The following FAM210B variants were observed in gnomAD, a reference collection of about 807,000 sequenced individuals.
FAM210B encodes mitochondrial inner membrane scaffold 2, also known as family with sequence similarity 210 member B.
FAM210B carries 11 observed loss-of-function variants against 14.9 expected under a neutral mutation model. The observed-to-expected ratio is 0.74, with a 90% CI of 0.46 to 1.22. FAM210B has a LOEUF of 1.22. Ranked by LOEUF, FAM210B falls within the 50% of genes most tolerant of loss-of-function variation. The pLI is 0.00. For missense variants in FAM210B, 229 were observed against 250.1 expected (o/e 0.92, Z 0.57); for synonymous variants, 113 against 110.2 (o/e 1.03, Z -0.16).
In FAM210B at chr20:56,363,853, C is replaced by G. The variant is rs768883061; in HGVS notation, c.187-1234C>G. ...TCGCTTTTGCTGCATTAATTTTGTGCGCACCGTCCTTTTTTGATGGCATAT... is the reference window on the plus strand; with the variant it reads ...TCGCTTTTGCTGCATTAATTTTGTGGGCACCGTCCTTTTTTGATGGCATAT... On this transcript the variant is annotated intron_variant, in intron 1 of 2. Transcript: ENST00000371384. The surrounding 1 kb of genome is among the most constrained non-coding windows in gnomAD (Gnocchi z 4.1). 2.0e-5 allele frequency among the ~76,000 whole-genome samples: 3 copies of G among 152,144 alleles called. No homozygotes were observed. Among genetic ancestry groups the G allele is most frequent in the African/African-American group, 7.2e-5 (3 of 41,410 alleles).
chr20:56,360,242 C>A (rs1195413656), intron 1 of FAM210B: 1 of 470,484 alleles, frequency 2.1e-6, no homozygotes, highest in Admixed American at 2.3e-5. Flanking sequence ...CTGCACACAC[C>A]GTGCCGCCTC....
chr20:56,364,329 T>C (rs1983588558), intron 1 of FAM210B, among the ~76,000 whole-genome samples: 1 of 152,242 alleles, frequency 6.6e-6, no homozygotes, highest in Admixed American at 6.5e-5. Context: ...CCTTGGCTCA[T>C]GGCCCTTGCC....
chr20:56,362,341 TCACA>T lies in FAM210B; in HGVS notation c.187-2740_187-2737del, dbSNP rs10643320. 1.3e-5 allele frequency among the ~76,000 whole-genome samples: 2 copies of T among 151,606 alleles called. No homozygotes were observed. Among genetic ancestry groups the T allele is most frequent in the Non-Finnish European group, 2.9e-5 (2 of 67,958 alleles). On this transcript the variant is annotated intron_variant, in intron 1 of 2. Coordinates refer to ENST00000371384, the MANE Select transcript of FAM210B (RefSeq NM_080821.3). This position sits in a 1 kb window ranked among gnomAD's most constrained non-coding sequence, Gnocchi z 4.8. ...AGGGGCATCTCACACACACACTGTC[TCACA>T]CACACTCTCACACACATGTGCATGC...
chr20:56,364,589 G>A (rs1361722181), intron 1 of FAM210B, among the ~76,000 whole-genome samples: 3 of 152,186 alleles, frequency 2.0e-5, no homozygotes, highest in Admixed American at 6.5e-5. Context: ...CATCTTTGGA[G>A]TCATCATTCT....
chr20:56,366,191 G>C lies in FAM210B; in HGVS notation c.483G>C (p.Ala161=). ...VVAYAIHKLF[A]PVRISITLVS... ...CCTATGCAATCCACAAGCTGTTTGC[G>C]CCAGTGAGAATCAGCATTACGCTAG... Residue 161 remains alanine, a synonymous_variant, in exon 3 of 3, where the codon GCG becomes GCC. Transcript: ENST00000371384. 6.2e-7 allele frequency: 1 copy of C among 1,614,180 alleles called. No homozygotes were observed. The highest frequency in any genetic ancestry group is 8.5e-7 in the Non-Finnish European group (1 of 1,180,054).
chr20:56,365,285 A>C (rs1201705614), intron 2 of FAM210B, 23 bp downstream of exon 2: 2 of 1,601,710 alleles, frequency 1.2e-6, no homozygotes, highest in Non-Finnish European at 1.7e-6. Context: ...ACAGTAATTA[A>C]TATTTGTTTT....
In FAM210B at chr20:56,359,319, C is replaced by T. The variant is rs538763893; in HGVS notation, c.186+128C>T. On this transcript the variant is annotated intron_variant, in intron 1 of 2. Coordinates refer to ENST00000371384, the MANE Select transcript of FAM210B (RefSeq NM_080821.3). The surrounding 1 kb of genome is among the most constrained non-coding windows in gnomAD (Gnocchi z 4.3). ...ACTTGTAGCTGCCCGGGACCGAGCT[C>T]TTCCAGGGTCCCCGAAACCCCAAAT... is the stretch of plus-strand genomic sequence containing the variant. 7.0e-5 allele frequency: 67 copies of T among 962,364 alleles called. No individual in the cohort carries two copies. Among genetic ancestry groups the T allele is most frequent in the Admixed American group, 1.4e-4 (3 of 22,068 alleles). 59.6% of individuals were successfully genotyped at this position (962,364 alleles called of 1,614,324 possible).
chr20:56,367,974 C>T lies in FAM210B; in HGVS notation c.*1687C>T, dbSNP rs1403304256. 2 of 152,322 alleles carry T rather than the reference C, an allele frequency of 1.3e-5. No individual in the cohort carries two copies. The highest frequency in any genetic ancestry group is 2.4e-5 in the African/African-American group (1 of 41,454). The allele number at this position is 152,322 out of a possible 1,614,324, so 9.4% of individuals were successfully genotyped here. A position where few individuals can be genotyped will look rare whatever the true frequency, so the allele number is the denominator to read the frequency against. On this transcript the variant is annotated 3_prime_UTR_variant, in exon 3 of 3. Transcript: ENST00000371384. The stretch of plus-strand genomic sequence containing the variant: ...CCATTAACTGGCCATCCTGGTTTTG[C>T]AGAGATCAGGTTGTTGACAGTTCCT...
chr20:56,359,804 T>G lies in FAM210B; in HGVS notation c.186+613T>G, dbSNP rs1180119951. Reference sequence around the variant, plus strand: ...TAAATAAAAATAGTAGTAAATGAAGTCTGGCGGTCCAGGAATGGCAAGCCC... The same window carrying G: ...TAAATAAAAATAGTAGTAAATGAAGGCTGGCGGTCCAGGAATGGCAAGCCC... On this transcript the variant is annotated intron_variant, in intron 1 of 2. Transcript: ENST00000371384. The surrounding 1 kb of genome is among the most constrained non-coding windows in gnomAD (Gnocchi z 4.3). Among the ~76,000 whole-genome samples, 2 of 152,214 alleles carry G rather than the reference T, an allele frequency of 1.3e-5. No individual in the cohort carries two copies. Among genetic ancestry groups the G allele is most frequent in the African/African-American group, 4.8e-5 (2 of 41,450 alleles).
chr20:56,359,108 CCG>C lies in FAM210B; in HGVS notation c.105_106del (p.Leu37GlyfsTer98). The C allele has an allele frequency of 7.5e-7, 1 of 1,332,836 alleles. No homozygotes were observed. Among genetic ancestry groups the C allele is most frequent in the South Asian group, 1.9e-5 (1 of 53,042 alleles). The allele number at this position is 1,332,836 out of a possible 1,614,324, so 82.6% of individuals were successfully genotyped here. A position where few individuals can be genotyped will look rare whatever the true frequency, so the allele number is the denominator to read the frequency against. On this transcript the variant is annotated frameshift_variant, in exon 1 of 3. Coordinates refer to ENST00000371384, the MANE Select transcript of FAM210B (RefSeq NM_080821.3). LOFTEE classifies it high-confidence loss of function. The surrounding 1 kb of genome is among the most constrained non-coding windows in gnomAD (Gnocchi z 4.3). ...GGGCGCCACCGCCCCCTGCGCCCCGCCGCCCCTGGCCCTGGCCCTGCTCCCGC... is the reference window on the plus strand; with the variant it reads ...GGGCGCCACCGCCCCCTGCGCCCCGCCCCCTGGCCCTGGCCCTGCTCCCGC... ...LLGATAPCAP[P>X]PLALALLPPR...
At chr20:56,365,399 A>G in intron 2 of FAM210B, 137 bp downstream of exon 2, 1 of 899,058 alleles carries the variant, frequency 1.1e-6, no homozygotes, top group Admixed American at 2.6e-5. Context: ...CAGTGGCATG[A>G]TCACAGCTCA....
Position 56,359,036 on chromosome 20 carries a change from G to A in FAM210B, c.31G>A (p.Ala11Thr), listed in dbSNP as rs1286365707. The change falls in exon 1 of 3, where the codon GCA becomes ACA. Residue 11 changes from alanine (A) to threonine (T), a missense_variant. By Grantham distance (58) the Ala-to-Thr change is moderately conservative (BLOSUM62 0). This residue lies in a region of FAM210B where 144 missense variants were observed against 132.5 expected (regional missense o/e 1.09). Transcript: ENST00000371384. The surrounding 1 kb of genome is among the most constrained non-coding windows in gnomAD (Gnocchi z 4.3). ...CGGGTTGCTGGCGTTGCTGGGTCCG[G>A]CAGGCAGGGTGGGCGCCCGGGTCCG... The part of the protein sequence containing the change: MAGLLALLGP[A>T]GRVGARVRPR... The A allele has an allele frequency of 2.2e-6, 3 of 1,348,696 alleles. No individual in the cohort carries two copies. Among genetic ancestry groups the A allele is most frequent in the Non-Finnish European group, 9.6e-7 (1 of 1,044,456 alleles). 83.5% of individuals were successfully genotyped at this position (1,348,696 alleles called of 1,614,324 possible). A position where few individuals can be genotyped will look rare whatever the true frequency, so the allele number is the denominator to read the frequency against.
At chr20:56,360,222 G>A (rs1265509955) in intron 1 of FAM210B, 1 of 470,756 alleles carries the variant, frequency 2.1e-6, no homozygotes, top group Non-Finnish European at 4.4e-6. Flanking sequence ...CCTCTCCAGA[G>A]TGGCACCTTC....
rs1057408814 is a variant in FAM210B, at chr20:56,362,055, C to G, written c.186+2864C>G. Among the ~76,000 whole-genome samples the G allele has an allele frequency of 6.6e-6, 1 of 152,168 alleles. No homozygotes were observed. The highest frequency in any genetic ancestry group is 1.5e-5 in the Non-Finnish European group (1 of 68,024). ...TCTGGCCTCAAGCAATCCTCCTACACCTCAGCTTCCCAAAGTGTTAGGATT... is the reference window on the plus strand; with the variant it reads ...TCTGGCCTCAAGCAATCCTCCTACAGCTCAGCTTCCCAAAGTGTTAGGATT... On this transcript the variant is annotated intron_variant, in intron 1 of 2. Transcript: ENST00000371384. The surrounding 1 kb of genome is among the most constrained non-coding windows in gnomAD (Gnocchi z 4.8).
At position 56,362,351 on chromosome 20, in the gene FAM210B, T is replaced by A. The variant is rs6099112; in HGVS notation, c.187-2736T>A. Among the ~76,000 whole-genome samples the A allele has an allele frequency of 4.3e-4, 56 of 131,630 alleles. No individual in the cohort carries two copies. Among genetic ancestry groups the A allele is most frequent in the East Asian group, 2.0e-3 (8 of 4,078 alleles). 86.4% of individuals were successfully genotyped at this position (131,630 alleles called of 152,430 possible). ...CACACACACACTGTCTCACACACAC[T>A]CTCACACACATGTGCATGCATGCTG... On this transcript the variant is annotated intron_variant, in intron 1 of 2. Transcript: ENST00000371384. The surrounding 1 kb of genome is among the most constrained non-coding windows in gnomAD (Gnocchi z 4.8).
chr20:56,368,385 G>A lies in FAM210B; in HGVS notation c.*2098G>A, dbSNP rs564325052. The A allele has an allele frequency of 1.3e-5, 2 of 152,198 alleles. No individual in the cohort carries two copies. The highest frequency in any genetic ancestry group is 4.8e-5 in the African/African-American group (2 of 41,356). The allele number at this position is 152,198 out of a possible 1,614,324, so 9.4% of individuals were successfully genotyped here. A position where few individuals can be genotyped will look rare whatever the true frequency, so the allele number is the denominator to read the frequency against. Reference sequence around the variant, plus strand: ...GATGGTGAAACCTACAGGTTTAAGGGCTTAAATCTCAAACTTTGTTAGGAG... The same window carrying A: ...GATGGTGAAACCTACAGGTTTAAGGACTTAAATCTCAAACTTTGTTAGGAG... On this transcript the variant is annotated 3_prime_UTR_variant, in exon 3 of 3. Coordinates refer to ENST00000371384, the MANE Select transcript of FAM210B (RefSeq NM_080821.3).
chr20:56,365,692 G>T (rs1204950804), intron 2 of FAM210B, among the ~76,000 whole-genome samples: 2 of 152,178 alleles, frequency 1.3e-5, no homozygotes, highest in Non-Finnish European at 2.9e-5. Flanking sequence ...TTTTAGTAGA[G>T]CCAGGGTTTC....
rs768275187 is a variant in FAM210B, at chr20:56,366,151, G to A, written c.443G>A (p.Ser148Asn). 5 of 1,614,072 alleles carry A rather than the reference G, an allele frequency of 3.1e-6. No individual in the cohort carries two copies. The Admixed American group carries it at 8.3e-5, about 27-fold the overall frequency. The change falls in exon 3 of 3, where the codon AGT (serine) becomes AAT (asparagine). Residue 148 changes from serine to asparagine, a missense_variant. By Grantham distance (46) the Ser-to-Asn change is conservative (BLOSUM62 1). Coordinates refer to ENST00000371384, the MANE Select transcript of FAM210B (RefSeq NM_080821.3). The stretch of plus-strand genomic sequence containing the variant: ...CAGTCAAAAATGGCAGCAGGCACAA[G>A]TACCTTCGTGGTGGCCTATGCAATC... ...LVQSKMAAGTSTFVVAYAIHK... is the reference protein window; with the variant it reads ...LVQSKMAAGTNTFVVAYAIHK...
In FAM210B at chr20:56,368,054, T is replaced by C. The variant is rs1279918044; in HGVS notation, c.*1767T>C. On this transcript the variant is annotated 3_prime_UTR_variant, in exon 3 of 3. Transcript: ENST00000371384. ...TCTCCACTAACATATCCAAGAATCT[T>C]TGTAGGACAATTTCTCCACCTGCAA... The C allele has an allele frequency of 6.6e-6, 1 of 152,612 alleles. No homozygotes were observed. Among genetic ancestry groups the C allele is most frequent in the East Asian group, 1.9e-4 (1 of 5,200 alleles). 9.5% of individuals were successfully genotyped at this position (152,612 alleles called of 1,614,324 possible). A position where few individuals can be genotyped will look rare whatever the true frequency, so the allele number is the denominator to read the frequency against.
Sources: allele counts gnomAD v4.1 joint callset (sites outside exome capture counted in the v4.1 genomes callset), GRCh38; gene constraint gnomAD v4.1.1; regional missense constraint gnomAD v4.1.1; non-coding constraint Gnocchi (gnomAD v3.1); transcripts MANE v1.5; gene names NCBI Gene and HGNC (gene_info 2026-07-23, HGNC 2026-07-21).